The following KCNU1 variants were observed in gnomAD, a reference collection of about 807,000 sequenced individuals.
KCNU1 encodes potassium calcium-activated channel subfamily U member 1, also known as potassium channel subfamily U member 1.
In KCNU1, 93 loss-of-function variants were observed where a neutral mutation model predicts 126.8. The observed-to-expected ratio is 0.73, with a 90% CI of 0.62 to 0.87. KCNU1 has a LOEUF of 0.87. Ranked by LOEUF, KCNU1 falls within the 40% of genes least tolerant of loss-of-function variation. KCNU1 has a pLI of 0.00. For synonymous variants in KCNU1, 523 were observed against 494.2 expected (o/e 1.06, Z -0.77); for missense variants, 1,330 against 1,367.1 (o/e 0.97, Z 0.43).
At chr8:36,786,868 T>C (rs559557449) in intron 1 of KCNU1, among the ~76,000 whole-genome samples, 3 of 152,302 alleles carry the variant, frequency 2.0e-5, no homozygotes, top group East Asian at 1.9e-4. Context: ...TGCTGAAAAC[T>C]TCCCCCTTCT....
intron 24 of KCNU1, among the ~76,000 whole-genome samples, chr8:36,925,219 T>A (rs1808493776): frequency 6.6e-6 from 1 of 152,102 alleles, no homozygotes; most frequent in Non-Finnish European, 1.5e-5. Context: ...AAAAGTGAGG[T>A]CATTGCATGA....
At chr8:36,900,563 C>A (rs1208306535) in intron 19 of KCNU1, among the ~76,000 whole-genome samples, 1 of 151,932 alleles carries the variant, frequency 6.6e-6, no homozygotes, top group Non-Finnish European at 1.5e-5. Context: ...TTACATTCCC[C>A]AATTTTAGGT....
intron 19 of KCNU1, among the ~76,000 whole-genome samples, chr8:36,873,294 T>A (rs1411102266): frequency 2.6e-5 from 4 of 151,898 alleles, no homozygotes; most frequent in Non-Finnish European, 5.9e-5. Context: ...TTTAAAGATA[T>A]GAGAATGTAA....
At chr8:36,913,588 C>T (rs566489599) in intron 22 of KCNU1, among the ~76,000 whole-genome samples, 22 of 149,826 alleles carry the variant, frequency 1.5e-4, no homozygotes, top group African/African-American at 5.4e-4. Flanking sequence ...ACTGTCACAT[C>T]AGTGAGGTCA....
At chr8:36,831,645 G>T (rs1804553269) in intron 10 of KCNU1, among the ~76,000 whole-genome samples, 1 of 147,904 alleles carries the variant, frequency 6.8e-6, no homozygotes, top group African/African-American at 2.5e-5. Context: ...GTTCATTGTA[G>T]ATTCTGGATA....
intron 19 of KCNU1, among the ~76,000 whole-genome samples, chr8:36,881,069 A>G (rs1163914683): frequency 6.6e-6 from 1 of 152,040 alleles, no homozygotes; most frequent in East Asian, 1.9e-4. Flanking sequence ...GTGCTCCAAG[A>G]CTTCCTACAC....
chr8:36,897,436 A>G (rs999032456), intron 19 of KCNU1, among the ~76,000 whole-genome samples: 1 of 152,046 alleles, frequency 6.6e-6, no homozygotes, highest in Non-Finnish European at 1.5e-5. Context: ...AAGAAGTGGA[A>G]CATCTAAATA....
Position 36,935,746 on chromosome 8 carries a change from C to A in KCNU1, c.3276C>A (p.Tyr1092Ter), listed in dbSNP as rs1228302087. Residue 1092 changes from tyrosine (Y) to a stop codon, truncating the protein, a stop_gained, in exon 27 of 27, where the codon TAC becomes TAA. Coordinates refer to ENST00000399881, the MANE Select transcript of KCNU1 (RefSeq NM_001031836.3). LOFTEE classifies it low-confidence loss of function (END_TRUNC). ...TETLYSPVYSYQPRTNSLSFP... is the reference protein window; with the variant it reads ...TETLYSPVYS ...CATTGTATTCACCAGTCTATTCTTA[C>A]CAGCCGAGAACTAACTCCCTCTCTT... The A allele has an allele frequency of 1.9e-6, 3 of 1,613,298 alleles. No homozygotes were observed. The African/African-American group carries it at 4.0e-5, about 22-fold the overall frequency.
Position 36,935,585 on chromosome 8 carries a change from T to G in KCNU1, c.3115T>G (p.Phe1039Val). The G allele has an allele frequency of 6.2e-7, 1 of 1,613,276 alleles. No homozygotes were observed. The highest frequency in any genetic ancestry group is 8.5e-7 in the Non-Finnish European group (1 of 1,179,428). ...PSDLVFCAIP[F>V]STACYKRNEE... ...AGATCTTGTGTTTTGTGCCATACCC[T>G]TCAGCACTGCTTGTTATAAAAGGAA... The change falls in exon 27 of 27, where the codon TTC (phenylalanine) becomes GTC (valine). Residue 1039 changes from phenylalanine (F) to valine (V), a missense_variant. Phe to Val is a conservative substitution (Grantham distance 50, BLOSUM62 -1). Transcript: ENST00000399881.
At chr8:36,812,499 T>C (rs921011707) in intron 7 of KCNU1, among the ~76,000 whole-genome samples, 2 of 151,896 alleles carry the variant, frequency 1.3e-5, no homozygotes, top group African/African-American at 2.4e-5. Context: ...AAAAGTAATA[T>C]AGCTAATATA....
Position 36,922,584 on chromosome 8 carries a change from G to A in KCNU1, c.2691G>A (p.Thr897=), listed in dbSNP as rs368116235. Residue 897 remains threonine, a synonymous_variant, in exon 24 of 27, where the codon ACG becomes ACA. Coordinates refer to ENST00000399881, the MANE Select transcript of KCNU1 (RefSeq NM_001031836.3). The stretch of plus-strand genomic sequence containing the variant: ...TGCATCTCAGCACTGCCTTTTCTAC[G>A]GGCACTGTTTTTTCCGGCAGCTTCT... ...TNLHLSTAFS[T]GTVFSGSFLD... 2.8e-5 allele frequency: 45 copies of A among 1,613,546 alleles called. No individual in the cohort carries two copies. Among genetic ancestry groups the A allele is most frequent in the African/African-American group, 4.0e-5 (3 of 74,964 alleles).
intron 19 of KCNU1, among the ~76,000 whole-genome samples, chr8:36,899,687 A>G (rs951676168): frequency 6.6e-6 from 1 of 152,092 alleles, no homozygotes; most frequent in Non-Finnish European, 1.5e-5. Context: ...TTTCAGGGCT[A>G]TTGGCCACCT....
intron 19 of KCNU1, among the ~76,000 whole-genome samples, chr8:36,888,073 AG>A (rs914085049): frequency 1.3e-5 from 2 of 152,046 alleles, no homozygotes; most frequent in Admixed American, 6.6e-5. Context: ...GGTCGGGGAA[AG>A]GGGGATTTAG....
intron 14 of KCNU1, among the ~76,000 whole-genome samples, chr8:36,837,959 T>G (rs1385022101): frequency 6.6e-6 from 1 of 152,220 alleles, no homozygotes; most frequent in Non-Finnish European, 1.5e-5. Context: ...CTTTTTCTGT[T>G]TCTTCCCTGG....
At chr8:36,804,205 A>C in intron 3 of KCNU1, 117 bp downstream of exon 3, 1 of 690,932 alleles carries the variant, frequency 1.4e-6, no homozygotes, top group South Asian at 1.7e-5. Flanking sequence ...GCACGCACAC[A>C]CACAAACTCA....
In KCNU1 at chr8:36,786,756, C is replaced by T. The variant is rs189154236; in HGVS notation, c.196-550C>T. 5.1e-3 allele frequency among the ~76,000 whole-genome samples: 777 copies of T among 152,056 alleles called. 22 individuals are homozygous for T. The highest frequency in any genetic ancestry group is 0.047 in the Admixed American group (722 of 15,254). On this transcript the variant is annotated intron_variant, in intron 1 of 26. Transcript: ENST00000399881. ...GCCTAACTTTATCATATGAGATTAC[C>T]GTAACATTTAAATATAATAAGTAAA...
chr8:36,844,268 T>C lies in KCNU1; in HGVS notation c.1704-1312T>C, dbSNP rs191406548. Among the ~76,000 whole-genome samples the C allele has an allele frequency of 2.5e-3, 377 of 151,982 alleles. 2 individuals are homozygous for C. The highest frequency in any genetic ancestry group is 8.8e-3 in the African/African-American group (363 of 41,422). The stretch of plus-strand genomic sequence containing the variant: ...GGTGGTGCACACCTGCAATCCCAGC[T>C]ACTCGGGAGGCTGAGGCAGGAGAAT... On this transcript the variant is annotated intron_variant, in intron 16 of 26. Coordinates refer to ENST00000399881, the MANE Select transcript of KCNU1 (RefSeq NM_001031836.3).
chr8:36,893,987 T>C (rs1039648318), intron 19 of KCNU1, among the ~76,000 whole-genome samples: 4 of 152,138 alleles, frequency 2.6e-5, no homozygotes, highest in Admixed American at 1.3e-4. Context: ...CTTGACACTT[T>C]TAATCTGCAA....
intron 18 of KCNU1, among the ~76,000 whole-genome samples, chr8:36,854,533 T>C (rs1218303474): frequency 2.0e-5 from 3 of 152,010 alleles, no homozygotes; most frequent in Non-Finnish European, 4.4e-5. Context: ...GTTTTTATTT[T>C]AGTTCTTGTA....
Sources: gnomAD v4.1 joint callset for allele counts (sites outside exome capture counted in the v4.1 genomes callset) on GRCh38, gnomAD v4.1.1 for gene constraint, MANE v1.5 for transcripts, NCBI Gene and HGNC (gene_info 2026-07-23, HGNC 2026-07-21) for gene names.